CPNE4: variants seen among roughly 807,000 people sequenced by gnomAD.
CPNE4 encodes copine 4.
A neutral mutation model predicts 67.9 loss-of-function variants in CPNE4; 25 were observed. The ratio of observed to expected loss-of-function variants is 0.37; its 90% CI spans 0.27 to 0.51. The LOEUF (loss-of-function observed/expected upper bound fraction) is 0.51. Among genes scored for constraint, CPNE4 ranks in the 20% least tolerant of loss-of-function variants. The probability of loss-of-function intolerance (pLI) is 0.93; values close to 1 mark genes in which losing one functional copy is unlikely to be tolerated. For missense variants in CPNE4, 464 were observed against 690.8 expected (o/e 0.67, Z 3.68); for synonymous variants, 242 against 244.9 (o/e 0.99, Z 0.11).
chr3:131,955,420 T>TTGTTTTTTTTGTTTTTTTTG (rs1375221360), intron 1 of CPNE4, among the ~76,000 whole-genome samples: 1 of 131,576 alleles, frequency 7.6e-6, no homozygotes, highest in African/African-American at 2.9e-5. Context: ...GTTTTTTTTT[T>TTGTTTTTTTTGTTTTTTTTG]TTTTTTTTTT....
chr3:131,935,360 G>A lies in CPNE4; in HGVS notation c.-1-29916C>T, dbSNP rs918713948. On this transcript the variant is annotated intron_variant, in intron 1 of 15. Transcript: ENST00000429747. ...ATCAATAACTTGGACATCTCAACAA[G>A]GTAATAGAATCACTGTATAGAGATA... 4.6e-5 allele frequency among the ~76,000 whole-genome samples: 7 copies of A among 152,292 alleles called. No individual in the cohort carries two copies. The East Asian group carries it at 1.4e-3, about 29-fold the overall frequency.
At chr3:131,863,279 G>T (rs1424442160) in intron 2 of CPNE4, among the ~76,000 whole-genome samples, 1 of 151,982 alleles carries the variant, frequency 6.6e-6, no homozygotes, top group Admixed American at 6.6e-5. Flanking sequence ...CTGAGGAATC[G>T]CCACACTGAC....
intron 12 of CPNE4, among the ~76,000 whole-genome samples, chr3:131,554,876 C>T (rs35850556): frequency 0.17 from 25,739 of 151,998 alleles, 2,442 homozygotes; most frequent in African/African-American, 0.26. Flanking sequence ...TCTACAGGAG[C>T]ATCTAGAATA....
chr3:131,878,853 A>T (rs183551767), intron 2 of CPNE4, among the ~76,000 whole-genome samples: 15 of 152,374 alleles, frequency 9.8e-5, no homozygotes, highest in Admixed American at 7.8e-4. Flanking sequence ...TCATGCAATG[A>T]AATATTTAGT....
In CPNE4 at chr3:131,564,269, A is replaced by G. The variant is rs375481543; in HGVS notation, c.1008T>C (p.Asn336=). ...CAGCTACCAAAGCTTTCAGATACTC[A>G]TTGGGTTGGTAAGGGTGGATGTAGT... is the stretch of plus-strand genomic sequence containing the variant. ...SLHYIHPYQP[N]EYLKALVAVG... is the part of the protein sequence containing the mutation. Residue 336 remains asparagine (N), a synonymous_variant, in exon 11 of 16, where the codon AAT becomes AAC. Transcript: ENST00000429747. 3.0e-5 allele frequency: 49 copies of G among 1,612,674 alleles called. No individual in the cohort carries two copies. Among genetic ancestry groups the G allele is most frequent in the African/African-American group, 5.3e-5 (4 of 74,796 alleles).
chr3:131,603,224 G>C (rs1242338836), intron 7 of CPNE4, among the ~76,000 whole-genome samples: 1 of 152,086 alleles, frequency 6.6e-6, no homozygotes, highest in African/African-American at 2.4e-5. Flanking sequence ...TATATGTGCA[G>C]TATATAGAAG....
At chr3:132,003,953 G>C (rs1029588051) in intron 1 of CPNE4, among the ~76,000 whole-genome samples, 2 of 152,034 alleles carry the variant, frequency 1.3e-5, no homozygotes, top group African/African-American at 4.8e-5. Flanking sequence ...TAACCTGAAA[G>C]AGTAGAAGGG....
At chr3:131,737,365 G>C (rs946426222) in intron 2 of CPNE4, among the ~76,000 whole-genome samples, 1 of 151,726 alleles carries the variant, frequency 6.6e-6, no homozygotes, top group African/African-American at 2.4e-5. Flanking sequence ...CTCTTTTAGA[G>C]CCACCTCCCA....
At chr3:131,660,660 A>C (rs2080100461) in intron 7 of CPNE4, among the ~76,000 whole-genome samples, 1 of 152,156 alleles carries the variant, frequency 6.6e-6, no homozygotes, top group African/African-American at 2.4e-5. Context: ...AATGCCACTG[A>C]CTAGCTCTGT....
chr3:131,935,966 A>G (rs2071207073), intron 1 of CPNE4, among the ~76,000 whole-genome samples: 1 of 151,954 alleles, frequency 6.6e-6, no homozygotes, highest in Non-Finnish European at 1.5e-5. Flanking sequence ...GGAATAACTT[A>G]AGGCTGAGAC....
intron 3 of CPNE4, among the ~76,000 whole-genome samples, chr3:131,708,993 T>TATATATATAC (rs1440194300): frequency 6.7e-5 from 7 of 104,920 alleles, no homozygotes; most frequent in Non-Finnish European, 1.0e-4. Context: ...TATATATATA[T>TATATATATAC]ATACATACAC....
chr3:131,929,074 A>G (rs1306788025), intron 1 of CPNE4, among the ~76,000 whole-genome samples: 1 of 151,942 alleles, frequency 6.6e-6, no homozygotes, highest in Non-Finnish European at 1.5e-5. Flanking sequence ...AAAAGAGAGA[A>G]ATGTCCCTGC....
chr3:131,742,199 G>C (rs959678083), intron 2 of CPNE4, among the ~76,000 whole-genome samples: 6 of 152,168 alleles, frequency 3.9e-5, no homozygotes, highest in Admixed American at 1.3e-4. Context: ...TTCTCCAATG[G>C]GGTCAGGCCT....
At chr3:131,691,872 G>A (rs568769464) in intron 5 of CPNE4, among the ~76,000 whole-genome samples, 28 of 152,196 alleles carry the variant, frequency 1.8e-4, no homozygotes, top group African/African-American at 6.5e-4. Flanking sequence ...TCAAGTGTAC[G>A]CTCAGAAATT....
intron 6 of CPNE4, among the ~76,000 whole-genome samples, chr3:131,682,865 C>T (rs1470456435): frequency 2.0e-5 from 3 of 151,972 alleles, no homozygotes; most frequent in Non-Finnish European, 4.4e-5. Context: ...AAGTTTTTCC[C>T]ACTCTTCCCT....
intron 2 of CPNE4, among the ~76,000 whole-genome samples, chr3:131,854,371 GT>G (rs1444272916): frequency 1.3e-5 from 2 of 151,846 alleles, no homozygotes; most frequent in Non-Finnish European, 2.9e-5. Context: ...AGAAGAGCTT[GT>G]AAGGGGAAAA....
intron 2 of CPNE4, among the ~76,000 whole-genome samples, chr3:131,900,886 T>C (rs1215502248): frequency 1.3e-5 from 2 of 152,116 alleles, no homozygotes; most frequent in African/African-American, 4.8e-5. Flanking sequence ...CATGCTTCCA[T>C]ATGGAATTGA....
chr3:131,840,828 T>A (rs1243517419), intron 2 of CPNE4, among the ~76,000 whole-genome samples: 1 of 152,144 alleles, frequency 6.6e-6, no homozygotes, highest in East Asian at 1.9e-4. Context: ...GTGTGACCAT[T>A]TATCTTGATG....
intron 2 of CPNE4, among the ~76,000 whole-genome samples, chr3:131,782,469 T>TAC (rs147437858): frequency 2.0e-5 from 3 of 151,672 alleles, no homozygotes; most frequent in South Asian, 2.1e-4. Context: ...TTTAAAGTAA[T>TAC]ACACACACAC....
Sources: gnomAD v4.1 joint callset for allele counts (sites outside exome capture counted in the v4.1 genomes callset) on GRCh38, gnomAD v4.1.1 for gene constraint, MANE v1.5 for transcripts, NCBI Gene and HGNC (gene_info 2026-07-23, HGNC 2026-07-21) for gene names.